Variants in IHO1 observed in about 807,000 individuals in gnomAD.
IHO1 encodes the protein interactor of HORMAD1 protein 1.
IHO1 carries 13 observed loss-of-function variants against 31.0 expected under a neutral mutation model. The ratio of observed to expected loss-of-function variants is 0.42; its 90% CI spans 0.27 to 0.67. The LOEUF (loss-of-function observed/expected upper bound fraction) is 0.67, where lower values mean the gene tolerates loss of function less well. IHO1 is among the 30% of genes least tolerant of loss of function. The pLI is 0.24. For missense variants in IHO1, 599 were observed against 687.5 expected (o/e 0.87, Z 1.44); for synonymous variants, 221 against 248.4 (o/e 0.89, Z 1.04).
chr3:49,216,198 A>G (rs1019394648), intron 2 of IHO1, among the ~76,000 whole-genome samples: 1 of 152,112 alleles, frequency 6.6e-6, no homozygotes, highest in Non-Finnish European at 1.5e-5. Context: ...GTGGAAGACA[A>G]TTTTTCCACA....
intron 2 of IHO1, among the ~76,000 whole-genome samples, chr3:49,216,532 A>G (rs992627122): frequency 6.6e-6 from 1 of 152,186 alleles, no homozygotes; most frequent in South Asian, 2.1e-4. Flanking sequence ...GCCTAACACC[A>G]TAAAAACCCT....
At chr3:49,203,017 C>A (rs1329424880) in intron 1 of IHO1, among the ~76,000 whole-genome samples, 1 of 152,142 alleles carries the variant, frequency 6.6e-6, no homozygotes, top group Middle Eastern at 3.4e-3. Flanking sequence ...CGCCCGCCAC[C>A]GCGCCCGGCC....
In IHO1 at chr3:49,212,769, G is replaced by A. The variant is rs1413410656; in HGVS notation, c.56+933G>A. 2.0e-5 allele frequency among the ~76,000 whole-genome samples: 3 copies of A among 152,300 alleles called. No homozygotes were observed. The East Asian group carries it at 5.8e-4, about 29-fold the overall frequency. ...GTGAAGCTGCAGACCTTTGCGGTGA[G>A]TGTTAACAGCTCATAAAGGCAGTGC... On this transcript the variant is annotated intron_variant, in intron 2 of 7. Coordinates refer to ENST00000452691, the MANE Select transcript of IHO1 (RefSeq NM_001135197.2).
intron 1 of IHO1, among the ~76,000 whole-genome samples, chr3:49,201,480 A>T (rs777701066): frequency 6.6e-6 from 1 of 151,994 alleles, no homozygotes; most frequent in Non-Finnish European, 1.5e-5. Flanking sequence ...AAAATTAGCC[A>T]GGTGTGGTAG....
chr3:49,241,220 T>G lies in IHO1; in HGVS notation c.232-6T>G, dbSNP rs1260203877. The G allele has an allele frequency of 6.3e-7, 1 of 1,580,580 alleles. No homozygotes were observed. ...TGAAATGCTATATATTTTTTTCATT[T>G]AACAGGGTGAACCTAGCATTTTCAC... On this transcript the variant is annotated splice_polypyrimidine_tract_variant and splice_region_variant and intron_variant, in intron 3 of 7. Transcript: ENST00000452691.
In IHO1 at chr3:49,206,664, TCTC is replaced by T. The variant is rs1486897133; in HGVS notation, c.-15-5099_-15-5097del. On this transcript the variant is annotated intron_variant, in intron 1 of 7. Transcript: ENST00000452691. ...TCATCCTGTGACTAAGAATGCCTAA[TCTC>T]CTGAGAATGCAGCTCAGGTCCCAGC... Among the ~76,000 whole-genome samples, 8 of 152,320 alleles carry T rather than the reference TCTC, an allele frequency of 5.3e-5. No individual in the cohort carries two copies. The East Asian group carries it at 1.4e-3, about 26-fold the overall frequency.
intron 2 of IHO1, among the ~76,000 whole-genome samples, chr3:49,218,863 T>C (rs2046319340): frequency 2.6e-5 from 4 of 151,994 alleles, no homozygotes; most frequent in Admixed American, 1.3e-4. Context: ...GACAAAACCC[T>C]GTCTCTACAA....
At position 49,243,213 on chromosome 3, in the gene IHO1, G is replaced by T. The variant is rs1423841435; in HGVS notation, c.396-1191G>T. Among the ~76,000 whole-genome samples the T allele has an allele frequency of 2.0e-5, 3 of 152,022 alleles. No homozygotes were observed. The East Asian group carries it at 5.9e-4, about 30-fold the overall frequency. ...GCTGGAGTATAGTGGCAAGATCTTG[G>T]CTCACTGTAACCTCTGCCGCCTGGG... On this transcript the variant is annotated intron_variant, in intron 4 of 7. Transcript: ENST00000452691.
At chr3:49,236,812 T>C in intron 3 of IHO1, 90 bp downstream of exon 3, 2 of 1,257,338 alleles carry the variant, frequency 1.6e-6, no homozygotes, top group Non-Finnish European at 2.2e-6. Context: ...CCAGGTGCAA[T>C]GGCTGACACC....
At chr3:49,253,408 A>C (rs891327938) in intron 6 of IHO1, among the ~76,000 whole-genome samples, 16 of 152,170 alleles carry the variant, frequency 1.1e-4, no homozygotes, top group African/African-American at 3.9e-4. Flanking sequence ...TAGGCGACAG[A>C]ATGAGATTCT....
intron 1 of IHO1, among the ~76,000 whole-genome samples, chr3:49,206,893 C>CA (rs1372433239): frequency 6.6e-6 from 1 of 151,870 alleles, no homozygotes; most frequent in African/African-American, 2.4e-5. Context: ...ACTAAAAATA[C>CA]AAAAATTAGC....
At chr3:49,198,040 A>G (rs192917586), upstream of IHO1, among the ~76,000 whole-genome samples, 2 of 152,334 alleles carry the variant, frequency 1.3e-5, no homozygotes, top group African/African-American at 4.8e-5. Flanking sequence ...CTCGAATTTT[A>G]TATAAATGGG....
intron 2 of IHO1, among the ~76,000 whole-genome samples, chr3:49,225,627 G>A (rs2046408336): frequency 6.6e-6 from 1 of 152,132 alleles, no homozygotes; most frequent in Non-Finnish European, 1.5e-5. Flanking sequence ...CTCCAGCTTT[G>A]GCTAATATAT....
intron 6 of IHO1, among the ~76,000 whole-genome samples, chr3:49,250,767 C>A (rs969113215): frequency 6.6e-6 from 1 of 152,126 alleles, no homozygotes; most frequent in Non-Finnish European, 1.5e-5. Flanking sequence ...CACAGCAGCT[C>A]ACGCCTGTAA....
intron 2 of IHO1, among the ~76,000 whole-genome samples, chr3:49,234,954 C>A (rs1419504227): frequency 6.6e-6 from 1 of 151,384 alleles, no homozygotes; most frequent in Non-Finnish European, 1.5e-5. Flanking sequence ...TCCAGTGATT[C>A]TTCTGCCTCA....
intron 2 of IHO1, among the ~76,000 whole-genome samples, chr3:49,234,830 T>C: frequency 6.6e-6 from 1 of 152,262 alleles, no homozygotes. Flanking sequence ...TTTACATAAA[T>C]GAACTGTAAT....
In IHO1 at chr3:49,256,412, A is replaced by G. The variant is rs75642581; in HGVS notation, c.915A>G (p.Ala305=). 2.4e-3 allele frequency: 3,843 copies of G among 1,614,164 alleles called. 32 individuals are homozygous for G. The highest frequency in any genetic ancestry group is 0.018 in the East Asian group (830 of 44,886). ...GGCAGGCCCAGGCCCTCCCTGCTGC[A>G]TGGAATCCTGGTATGGGCTCCCTAC... ...VLWQAQALPA[A]WNPGMGSLQP... is the part of the protein sequence containing the mutation. The change falls in exon 8 of 8, where the codon GCA becomes GCG. Residue 305 remains alanine, a synonymous_variant. Transcript: ENST00000452691. This position sits in a 1 kb window ranked among gnomAD's most constrained non-coding sequence, Gnocchi z 4.6.
In IHO1 at chr3:49,211,683, C is replaced by T. The variant is rs1389977313; in HGVS notation, c.-15-83C>T. ...GGGAATATAGCTGCTGGAATGTCTTCGTGTACATATAATAGTCACTAGTAA... is the reference window on the plus strand; with the variant it reads ...GGGAATATAGCTGCTGGAATGTCTTTGTGTACATATAATAGTCACTAGTAA... On this transcript the variant is annotated intron_variant, in intron 1 of 7. Coordinates refer to ENST00000452691, the MANE Select transcript of IHO1 (RefSeq NM_001135197.2). 11 of 556,586 alleles carry T rather than the reference C, an allele frequency of 2.0e-5. 1 individual carries two copies. In the Middle Eastern group the frequency reaches 1.9e-3, roughly 94 times the overall value. The allele number at this position is 556,586 out of a possible 1,614,324, so 34.5% of individuals were successfully genotyped here.
intron 3 of IHO1, among the ~76,000 whole-genome samples, chr3:49,240,967 C>T (rs1178024342): frequency 6.6e-6 from 1 of 152,138 alleles, no homozygotes; most frequent in Non-Finnish European, 1.5e-5. Flanking sequence ...TAAATTTATG[C>T]AATTGATTCT....
Sources: gnomAD v4.1 joint callset for allele counts (sites outside exome capture counted in the v4.1 genomes callset) on GRCh38, gnomAD v4.1.1 for gene constraint, Gnocchi (gnomAD v3.1) non-coding constraint, MANE v1.5 for transcripts, NCBI Gene and HGNC (gene_info 2026-07-23, HGNC 2026-07-21) for gene names.